Variants in UNCX observed in about 807,000 individuals in gnomAD.
UNCX encodes homeobox protein unc-4 homolog.
A neutral mutation model predicts 14.8 loss-of-function variants in UNCX; 4 were observed. The ratio of observed to expected loss-of-function variants is 0.27; its 90% CI spans 0.13 to 0.62. The LOEUF is 0.62. Among genes scored for constraint, UNCX ranks in the 20% least tolerant of loss-of-function variants. The pLI is 0.86. For synonymous variants in UNCX, 459 were observed against 395.8 expected (o/e 1.16, Z -1.90); for missense variants, 749 against 786.8 (o/e 0.95, Z 0.58).
Position 1,236,259 on chromosome 7 carries a change from C to G in UNCX, c.878C>G (p.Ala293Gly), listed in dbSNP as rs1210785651. The G allele has an allele frequency of 2.2e-6, 3 of 1,378,960 alleles. No homozygotes were observed. The highest frequency in any genetic ancestry group is 1.5e-5 in the African/African-American group (1 of 65,210). The allele number at this position is 1,378,960 out of a possible 1,614,324, so 85.4% of individuals were successfully genotyped here. A position where few individuals can be genotyped will look rare whatever the true frequency, so the allele number is the denominator to read the frequency against. Residue 293 changes from alanine to glycine, a missense_variant, in exon 3 of 3, where the codon GCC (alanine) becomes GGC (glycine). Coordinates refer to ENST00000316333, the MANE Select transcript of UNCX (RefSeq NM_001080461.3). This position sits in a 1 kb window ranked among gnomAD's most constrained non-coding sequence, Gnocchi z 6.9. Reference sequence around the variant, plus strand: ...TTCTACCCGAGCCAAAGAAGCGGCGCCGGCCCACAGCCGCGCCCAGGTCGC... The same window carrying G: ...TTCTACCCGAGCCAAAGAAGCGGCGGCGGCCCACAGCCGCGCCCAGGTCGC... ...PAFYPSQRSG[A>G]GPQPRPGRPA...
chr7:1,233,081 G>T lies in UNCX; in HGVS notation c.64G>T (p.Val22Leu). 6.9e-7 allele frequency: 1 copy of T among 1,440,060 alleles called. No individual in the cohort carries two copies. 89.2% of individuals were successfully genotyped at this position (1,440,060 alleles called of 1,614,324 possible). Residue 22 changes from valine to leucine, a missense_variant, in exon 1 of 3, where the codon GTG becomes TTG. This residue lies in a region of UNCX where 155 missense variants were observed against 166.7 expected (regional missense o/e 0.93). Coordinates refer to ENST00000316333, the MANE Select transcript of UNCX (RefSeq NM_001080461.3). The surrounding 1 kb of genome is among the most constrained non-coding windows in gnomAD (Gnocchi z 5.3). The part of the protein sequence containing the change: ...AQFGGSLGGV[V>L]GFPYPLGHHH... ...GTTCGGGGGCTCGCTGGGCGGCGTG[G>T]TGGGCTTCCCCTACCCGCTGGGCCA...
At chr7:1,235,782 C>T in intron 2 of UNCX, 50 bp from the exon 3 acceptor site, 1 of 1,554,492 alleles carries the variant, frequency 6.4e-7, no homozygotes. Context: ...GCCCCGGCGG[C>T]CAGCCCGCCG....
intron 2 of UNCX, among the ~76,000 whole-genome samples, chr7:1,235,137 C>G (rs1778713978): frequency 6.6e-6 from 1 of 152,234 alleles, no homozygotes; most frequent in Non-Finnish European, 1.5e-5. Flanking sequence ...TCCCCACCTG[C>G]CTTGGCCGGT....
At position 1,236,447 on chromosome 7, in the gene UNCX, G is replaced by A. The variant is rs1221755188; in HGVS notation, c.1066G>A (p.Ala356Thr). 4.4e-6 allele frequency: 6 copies of A among 1,365,850 alleles called. No homozygotes were observed. Among genetic ancestry groups the A allele is most frequent in the Admixed American group, 3.3e-5 (1 of 30,214 alleles). The allele number at this position is 1,365,850 out of a possible 1,614,324, so 84.6% of individuals were successfully genotyped here. A position where few individuals can be genotyped will look rare whatever the true frequency, so the allele number is the denominator to read the frequency against. ...CGCTTCCAACGCCGCCGCCGCCGCC[G>A]CCGCGGGGCTGGACTTCGCGCCCGG... ...KAASNAAAAA[A>T]AGLDFAPGLP... Residue 356 changes from alanine (A) to threonine (T), a missense_variant, in exon 3 of 3, where the codon GCC (alanine) becomes ACC (threonine). Around this residue, in one of 3 missense-constraint regions of UNCX, gnomAD observed 552 missense variants for 507.2 expected, o/e 1.09. Coordinates refer to ENST00000316333, the MANE Select transcript of UNCX (RefSeq NM_001080461.3). The surrounding 1 kb of genome is among the most constrained non-coding windows in gnomAD (Gnocchi z 6.9).
chr7:1,236,517 T>C lies in UNCX; in HGVS notation c.1136T>C (p.Leu379Pro). ...PRTLIGKGHF[L>P]LYPITQPLGF... is the part of the protein sequence containing the mutation. ...ACCCTGATCGGCAAGGGCCACTTCC[T>C]CCTCTACCCCATCACGCAGCCGCTC... The change falls in exon 3 of 3, where the codon CTC becomes CCC. Residue 379 changes from leucine to proline, a missense_variant. Leu to Pro is a moderately conservative substitution (Grantham distance 98, BLOSUM62 -3). Transcript: ENST00000316333. This position sits in a 1 kb window ranked among gnomAD's most constrained non-coding sequence, Gnocchi z 6.9. 7.2e-7 allele frequency: 1 copy of C among 1,395,702 alleles called. No individual in the cohort carries two copies. Among genetic ancestry groups the C allele is most frequent in the Non-Finnish European group, 9.4e-7 (1 of 1,068,646 alleles). The allele number at this position is 1,395,702 out of a possible 1,614,324, so 86.5% of individuals were successfully genotyped here.
chr7:1,233,416 C>CA lies in UNCX; in HGVS notation c.275-104_275-103insA, dbSNP rs1554251735. 1.5e-4 allele frequency: 122 copies of CA among 839,580 alleles called. No individual in the cohort carries two copies. In the African/African-American group the frequency reaches 6.0e-3, roughly 42 times the overall value. 52.0% of individuals were successfully genotyped at this position (839,580 alleles called of 1,614,324 possible). ...CGGCTCCTAGGCGGCCGTCTCTGCGCCCCCCCCCCCGGATCCAGGCGGCCA... is the reference window on the plus strand; with the variant it reads ...CGGCTCCTAGGCGGCCGTCTCTGCGCACCCCCCCCCCGGATCCAGGCGGCCA... On this transcript the variant is annotated intron_variant, in intron 1 of 2. Coordinates refer to ENST00000316333, the MANE Select transcript of UNCX (RefSeq NM_001080461.3). This position sits in a 1 kb window ranked among gnomAD's most constrained non-coding sequence, Gnocchi z 5.3.
In UNCX at chr7:1,233,568, C is replaced by G. The variant is rs747378227; in HGVS notation, c.323C>G (p.Thr108Ser). 2 of 1,612,936 alleles carry G rather than the reference C, an allele frequency of 1.2e-6. No individual in the cohort carries two copies. Among genetic ancestry groups the G allele is most frequent in the South Asian group, 1.1e-5 (1 of 91,072 alleles). ...AGCCCGGGCTGCAAGCGGCGGCGCA[C>G]CCGCACCAACTTCACCGGCTGGCAG... is the stretch of plus-strand genomic sequence containing the variant. ...KESPGCKRRR[T>S]RTNFTGWQLE... The change falls in exon 2 of 3, where the codon ACC becomes AGC. Residue 108 changes from threonine (T) to serine (S), a missense_variant. Thr to Ser is a moderately conservative substitution (Grantham distance 58). Transcript: ENST00000316333. The surrounding 1 kb of genome is among the most constrained non-coding windows in gnomAD (Gnocchi z 5.3).
rs775651723 is a variant in UNCX at position 1,236,045 on chromosome 7, C to A, written c.664C>A (p.Pro222Thr). ...GAGCCAGGGCCGCCACTTGCACTCG[C>A]CCGGCGGCCTGTCCCTGCACAGCGC... The part of the protein sequence containing the change: ...LKSQGRHLHS[P>T]GGLSLHSAPS... Residue 222 changes from proline (P) to threonine (T), a missense_variant, in exon 3 of 3, where the codon CCC (proline) becomes ACC (threonine). Transcript: ENST00000316333. This position sits in a 1 kb window ranked among gnomAD's most constrained non-coding sequence, Gnocchi z 6.9. The A allele has an allele frequency of 6.2e-7, 1 of 1,602,882 alleles. No individual in the cohort carries two copies.
Position 1,236,923 on chromosome 7 carries a change from T to G in UNCX, c.1542T>G (p.Pro514=), listed in dbSNP as rs901786596. 3 of 1,188,352 alleles carry G rather than the reference T, an allele frequency of 2.5e-6. No individual in the cohort carries two copies. In the African/African-American group the frequency reaches 4.8e-5, roughly 19 times the overall value. The allele number at this position is 1,188,352 out of a possible 1,614,324, so 73.6% of individuals were successfully genotyped here. The change falls in exon 3 of 3, where the codon CCT becomes CCG. Residue 514 remains proline, a synonymous_variant. Coordinates refer to ENST00000316333, the MANE Select transcript of UNCX (RefSeq NM_001080461.3). This position sits in a 1 kb window ranked among gnomAD's most constrained non-coding sequence, Gnocchi z 6.9. ...EEPATCGVPE[P]GAAAGPSPPE... ...CGGCCACCTGCGGGGTTCCCGAGCC[T>G]GGCGCGGCGGCCGGACCCAGCCCGC... is the stretch of plus-strand genomic sequence containing the variant.
chr7:1,237,009 G>A lies in UNCX; in HGVS notation c.*32G>A, dbSNP rs1325509762. The A allele has an allele frequency of 2.6e-6, 3 of 1,156,766 alleles. No individual in the cohort carries two copies. Among genetic ancestry groups the A allele is most frequent in the Non-Finnish European group, 3.2e-6 (3 of 939,360 alleles). The allele number at this position is 1,156,766 out of a possible 1,614,324, so 71.7% of individuals were successfully genotyped here. On this transcript the variant is annotated 3_prime_UTR_variant, in exon 3 of 3. Coordinates refer to ENST00000316333, the MANE Select transcript of UNCX (RefSeq NM_001080461.3). The surrounding 1 kb of genome is among the most constrained non-coding windows in gnomAD (Gnocchi z 5.8). ...GGCGGCCGGGAGAGGCGCGTAGCCG[G>A]CCCGCGGCCGCTCGCTCAGGCTCCG...
chr7:1,234,909 G>A (rs1197792159), intron 2 of UNCX, among the ~76,000 whole-genome samples: 3 of 152,144 alleles, frequency 2.0e-5, no homozygotes, highest in Non-Finnish European at 4.4e-5. Context: ...CAAAGAATCC[G>A]TATTAACGCG....
At position 1,235,917 on chromosome 7, in the gene UNCX, C is replaced by T. The variant is rs1778729699; in HGVS notation, c.536C>T (p.Pro179Leu). ...GGGCGGCCGGCGCACAACTCGCACC[C>T]GACCACGTGCAGCGGCGAGCCCATG... is the stretch of plus-strand genomic sequence containing the variant. ...GPGRPAHNSHPTTCSGEPMDP... is the reference protein window; with the variant it reads ...GPGRPAHNSHLTTCSGEPMDP... The change falls in exon 3 of 3, where the codon CCG (proline) becomes CTG (leucine). Residue 179 changes from proline to leucine, a missense_variant. Transcript: ENST00000316333. The T allele has an allele frequency of 2.5e-6, 4 of 1,612,458 alleles. No homozygotes were observed. In the South Asian group the frequency reaches 3.3e-5, roughly 13 times the overall value.
intron 2 of UNCX, among the ~76,000 whole-genome samples, chr7:1,234,079 C>T (rs1006313081): frequency 2.7e-5 from 4 of 150,526 alleles, no homozygotes; most frequent in Admixed American, 2.6e-4. Context: ...GAAGGGGACC[C>T]CCCCCCGCCC....
rs1007474515 is a variant in UNCX, at chr7:1,236,539, G to C, written c.1158G>C (p.Pro386=). 6 of 1,385,706 alleles carry C rather than the reference G, an allele frequency of 4.3e-6. No individual in the cohort carries two copies. In the African/African-American group the frequency reaches 7.6e-5, roughly 18 times the overall value. The allele number at this position is 1,385,706 out of a possible 1,614,324, so 85.8% of individuals were successfully genotyped here. A position where few individuals can be genotyped will look rare whatever the true frequency, so the allele number is the denominator to read the frequency against. The change falls in exon 3 of 3, where the codon CCG becomes CCC. Residue 386 remains proline, a synonymous_variant. Transcript: ENST00000316333. This position sits in a 1 kb window ranked among gnomAD's most constrained non-coding sequence, Gnocchi z 6.9. The stretch of plus-strand genomic sequence containing the variant: ...TCCTCCTCTACCCCATCACGCAGCC[G>C]CTCGGCTTCCTGGTGCCGCAGGCCG... ...GHFLLYPITQ[P]LGFLVPQAAL... is the part of the protein sequence containing the mutation.
chr7:1,236,205 C>G lies in UNCX; in HGVS notation c.824C>G (p.Pro275Arg). The G allele has an allele frequency of 3.0e-6, 4 of 1,327,784 alleles. No individual in the cohort carries two copies. The highest frequency in any genetic ancestry group is 3.9e-6 in the Non-Finnish European group (4 of 1,027,710). The allele number at this position is 1,327,784 out of a possible 1,614,324, so 82.3% of individuals were successfully genotyped here. A position where few individuals can be genotyped will look rare whatever the true frequency, so the allele number is the denominator to read the frequency against. Residue 275 changes from proline to arginine, a missense_variant, in exon 3 of 3, where the codon CCG becomes CGG. By Grantham distance (103) the Pro-to-Arg change is moderately radical. Around this residue, in one of 3 missense-constraint regions of UNCX, gnomAD observed 552 missense variants for 507.2 expected, o/e 1.09. Transcript: ENST00000316333. This position sits in a 1 kb window ranked among gnomAD's most constrained non-coding sequence, Gnocchi z 6.9. ...AGTAPAPPGE[P>R]PAPGTCDPAF... ...ACCGCGCCCGCCCCTCCCGGCGAGC[C>G]GCCTGCACCCGGCACCTGCGACCCC...
Position 1,233,419 on chromosome 7 carries a change from C to CCG in UNCX, c.275-100_275-99insGC. On this transcript the variant is annotated intron_variant, in intron 1 of 2. Coordinates refer to ENST00000316333, the MANE Select transcript of UNCX (RefSeq NM_001080461.3). This position sits in a 1 kb window ranked among gnomAD's most constrained non-coding sequence, Gnocchi z 5.3. ...CTCCTAGGCGGCCGTCTCTGCGCCC[C>CCG]CCCCCCCGGATCCAGGCGGCCAGCG... 2.2e-6 allele frequency: 3 copies of CCG among 1,374,688 alleles called. No individual in the cohort carries two copies. The highest frequency in any genetic ancestry group is 2.8e-6 in the Non-Finnish European group (3 of 1,067,162). 85.2% of individuals were successfully genotyped at this position (1,374,688 alleles called of 1,614,324 possible).
chr7:1,233,085 G>T lies in UNCX; in HGVS notation c.68G>T (p.Gly23Val). Residue 23 changes from glycine (G) to valine (V), a missense_variant, in exon 1 of 3, where the codon GGC becomes GTC. Gly to Val is a moderately radical substitution (Grantham distance 109). Around this residue, in one of 3 missense-constraint regions of UNCX, gnomAD observed 155 missense variants for 166.7 expected, o/e 0.93. Transcript: ENST00000316333. The surrounding 1 kb of genome is among the most constrained non-coding windows in gnomAD (Gnocchi z 5.3). ...QFGGSLGGVV[G>V]FPYPLGHHHV... is the part of the protein sequence containing the mutation. Reference sequence around the variant, plus strand: ...GGGGGCTCGCTGGGCGGCGTGGTGGGCTTCCCCTACCCGCTGGGCCACCAC... The same window carrying T: ...GGGGGCTCGCTGGGCGGCGTGGTGGTCTTCCCCTACCCGCTGGGCCACCAC... 6.9e-7 allele frequency: 1 copy of T among 1,448,012 alleles called. No individual in the cohort carries two copies. The highest frequency in any genetic ancestry group is 2.5e-5 in the Admixed American group (1 of 40,320). 89.7% of individuals were successfully genotyped at this position (1,448,012 alleles called of 1,614,324 possible).
In UNCX at chr7:1,236,305, C is replaced by A; in HGVS notation, c.924C>A (p.Ala308=). The change falls in exon 3 of 3, where the codon GCC becomes GCA. Residue 308 remains alanine (A), a synonymous_variant. Transcript: ENST00000316333. The surrounding 1 kb of genome is among the most constrained non-coding windows in gnomAD (Gnocchi z 6.9). Reference sequence around the variant, plus strand: ...GTCGCCCTGCGGACAAGGACGCGGCCTCGTGCGGGCCAGGGGCCGCTGTGG... The same window carrying A: ...GTCGCCCTGCGGACAAGGACGCGGCATCGTGCGGGCCAGGGGCCGCTGTGG... The part of the protein sequence containing the change: ...RPGRPADKDA[A]SCGPGAAVAA... The A allele has an allele frequency of 1.5e-6, 2 of 1,351,746 alleles. No homozygotes were observed. Among genetic ancestry groups the A allele is most frequent in the South Asian group, 1.5e-5 (1 of 66,002 alleles). The allele number at this position is 1,351,746 out of a possible 1,614,324, so 83.7% of individuals were successfully genotyped here. A position where few individuals can be genotyped will look rare whatever the true frequency, so the allele number is the denominator to read the frequency against.
intron 2 of UNCX, among the ~76,000 whole-genome samples, chr7:1,234,336 C>T (rs1778703260): frequency 2.0e-5 from 3 of 152,146 alleles, no homozygotes; most frequent in Admixed American, 6.5e-5. Context: ...ACTGTTTTCC[C>T]GTAAATTTGC....
Sources: gnomAD v4.1 joint callset for allele counts (sites outside exome capture counted in the v4.1 genomes callset) on GRCh38, gnomAD v4.1.1 for gene constraint, gnomAD v4.1.1 regional missense constraint, Gnocchi (gnomAD v3.1) non-coding constraint, MANE v1.5 for transcripts, NCBI Gene and HGNC (gene_info 2026-07-23, HGNC 2026-07-21) for gene names.